MDM2: variants seen among roughly 807,000 people sequenced by gnomAD.
MDM2 encodes E3 ubiquitin-protein ligase Mdm2.
MDM2 carries 11 observed loss-of-function variants against 64.3 expected under a neutral mutation model. That is an observed-to-expected ratio of 0.17 (90% CI 0.11 to 0.28). MDM2 has a LOEUF of 0.28. MDM2 is among the 10% of genes least tolerant of loss of function. The pLI, the probability that MDM2 is intolerant of heterozygous loss-of-function variation, is 1.00. For synonymous variants in MDM2, 194 were observed against 192.9 expected (o/e 1.01, Z -0.05); for missense variants, 388 against 577.1 (o/e 0.67, Z 3.36).
At chr12:68,811,601 ATTTTT>A (rs34328350) in intron 2 of MDM2, among the ~76,000 whole-genome samples, 1 of 114,364 alleles carries the variant, frequency 8.7e-6, no homozygotes, top group Non-Finnish European at 1.7e-5. Flanking sequence ...TCCATTACAG[ATTTTT>A]TTTTTTTTTT....
intron 5 of MDM2, among the ~76,000 whole-genome samples, chr12:68,822,898 G>A (rs1273567383): frequency 5.3e-5 from 8 of 151,920 alleles, no homozygotes; most frequent in African/African-American, 1.5e-4. Flanking sequence ...CTGCCACCAC[G>A]TCCGGTTAAT....
intron 3 of MDM2, among the ~76,000 whole-genome samples, chr12:68,813,867 T>C (rs1881126445): frequency 6.6e-6 from 1 of 152,238 alleles, no homozygotes; most frequent in Non-Finnish European, 1.5e-5. Flanking sequence ...GACCATTTTA[T>C]GCTGTCAACC....
At chr12:68,809,842 A>G (rs1289257493) in intron 2 of MDM2, among the ~76,000 whole-genome samples, 1 of 152,214 alleles carries the variant, frequency 6.6e-6, no homozygotes, top group Non-Finnish European at 1.5e-5. Flanking sequence ...CAATAAATAA[A>G]GTCTACAGAA....
At chr12:68,810,324 G>GA (rs1880759630) in intron 2 of MDM2, among the ~76,000 whole-genome samples, 1 of 145,758 alleles carries the variant, frequency 6.9e-6, no homozygotes, top group Non-Finnish European at 1.5e-5. Context: ...AAAAAAAAAA[G>GA]AAAAGAAAAA....
intron 8 of MDM2, among the ~76,000 whole-genome samples, chr12:68,830,553 A>G (rs1353111978): frequency 6.6e-6 from 1 of 152,118 alleles, no homozygotes; most frequent in Non-Finnish European, 1.5e-5. Flanking sequence ...TCATTGGGAG[A>G]TAGATCATTA....
At chr12:68,809,419 G>A in intron 2 of MDM2, 127 bp downstream of exon 2, 1 of 843,066 alleles carries the variant, frequency 1.2e-6, no homozygotes, top group South Asian at 1.5e-5. Flanking sequence ...CTTAAAGTGT[G>A]CTACCTCTGG....
chr12:68,831,630 C>G (rs1383997507), intron 8 of MDM2, among the ~76,000 whole-genome samples: 1 of 152,172 alleles, frequency 6.6e-6, no homozygotes, highest in Non-Finnish European at 1.5e-5. Flanking sequence ...AGAAATTTTT[C>G]TGGAGCTACG....
At chr12:68,809,467 C>T (rs547239439) in intron 2 of MDM2, among the ~76,000 whole-genome samples, 175 bp downstream of exon 2, 1 of 152,268 alleles carries the variant, frequency 6.6e-6, no homozygotes, top group Non-Finnish European at 1.5e-5. Context: ...AAGAACTGGT[C>T]AGTATTTTTT....
At position 68,809,255 on chromosome 12, in the gene MDM2, C is replaced by T; in HGVS notation, c.62C>T (p.Thr21Ile). Residue 21 changes from threonine to isoleucine, a missense_variant, in exon 2 of 11, where the codon ACC (threonine) becomes ATC (isoleucine). Around this residue, in one of 5 missense-constraint regions of MDM2, gnomAD observed 46 missense variants for 45.2 expected, o/e 1.02. Transcript: ENST00000258149. Reference protein sequence around the residue: ...NMSVPTDGAVTTSQIPASEQE... With the variant: ...NMSVPTDGAVITSQIPASEQE... ...TCTGTACCTACTGATGGTGCTGTAA[C>T]CACCTCACAGATTCCAGCTTCGGAA... 6.2e-7 allele frequency: 1 copy of T among 1,614,090 alleles called. No individual in the cohort carries two copies. Among genetic ancestry groups the T allele is most frequent in the Non-Finnish European group, 8.5e-7 (1 of 1,179,990 alleles).
chr12:68,824,830 T>G lies in MDM2; in HGVS notation c.523+179T>G, dbSNP rs72550803. The G allele has an allele frequency of 5.2e-6, 3 of 577,944 alleles. No individual in the cohort carries two copies. In the East Asian group the frequency reaches 8.9e-5, roughly 17 times the overall value. The allele number at this position is 577,944 out of a possible 1,614,324, so 35.8% of individuals were successfully genotyped here. ...TACAAATTGCTTATTTAGCAATATT[T>G]TTCTGGCTGACTACAGCAGGCACAG... On this transcript the variant is annotated intron_variant, in intron 7 of 10. Transcript: ENST00000258149.
At position 68,842,261 on chromosome 12, in the gene MDM2, G is replaced by T; in HGVS notation, c.*2412G>T. On this transcript the variant is annotated 3_prime_UTR_variant, in exon 11 of 11. Coordinates refer to ENST00000258149, the MANE Select transcript of MDM2 (RefSeq NM_002392.6). Reference sequence around the variant, plus strand: ...AACAAATTCAAGAAAAAGGACTACGGAAAGTTCAGGACATCAAAGAAGTCA... The same window carrying T: ...AACAAATTCAAGAAAAAGGACTACGTAAAGTTCAGGACATCAAAGAAGTCA... The T allele has an allele frequency of 2.0e-6, 1 of 496,922 alleles. No individual in the cohort carries two copies. The highest frequency in any genetic ancestry group is 4.0e-6 in the Non-Finnish European group (1 of 251,456). The allele number at this position is 496,922 out of a possible 1,614,324, so 30.8% of individuals were successfully genotyped here. A position where few individuals can be genotyped will look rare whatever the true frequency, so the allele number is the denominator to read the frequency against.
At chr12:68,835,317 T>C (rs747170777) in intron 8 of MDM2, among the ~76,000 whole-genome samples, 11 of 152,142 alleles carry the variant, frequency 7.2e-5, no homozygotes, top group African/African-American at 1.7e-4. Flanking sequence ...GAAGGATGAA[T>C]AGGATTTTGA....
rs113126628 is a variant in MDM2 at position 68,832,866 on chromosome 12, C to CT, written c.685-2961dup. Among the ~76,000 whole-genome samples the CT allele has an allele frequency of 2.5e-3, 372 of 151,704 alleles. 1 individual carries two copies. Among genetic ancestry groups the CT allele is most frequent in the Middle Eastern group, 6.8e-3 (2 of 294 alleles). ...TTTAGGTCTGGTGCAGTGGCTCATG[C>CT]TTGTAATCCCAGCACTTTGGGAGGC... On this transcript the variant is annotated intron_variant, in intron 8 of 10. Coordinates refer to ENST00000258149, the MANE Select transcript of MDM2 (RefSeq NM_002392.6).
chr12:68,849,991 A>C (rs1485783531), downstream of MDM2: 1 of 152,356 alleles, frequency 6.6e-6, no homozygotes, highest in Non-Finnish European at 1.5e-5. Context: ...AACAGCAAAC[A>C]AAAAACCCTT....
At chr12:68,815,433 C>T (rs370118506) in intron 3 of MDM2, among the ~76,000 whole-genome samples, 18 of 93,068 alleles carry the variant, frequency 1.9e-4, no homozygotes, top group African/African-American at 2.6e-4. Flanking sequence ...GTTTCTTCTT[C>T]TTTTTTTTTT....
intron 3 of MDM2, among the ~76,000 whole-genome samples, chr12:68,814,287 C>G (rs1255984169): frequency 1.3e-5 from 2 of 152,194 alleles, no homozygotes; most frequent in Non-Finnish European, 2.9e-5. Flanking sequence ...CTCCTAGTCT[C>G]AGGTGATCCA....
intron 7 of MDM2, 28 bp from the exon 8 acceptor site, chr12:68,828,743 A>G (rs369948638): frequency 1.5e-4 from 246 of 1,609,270 alleles, no homozygotes; most frequent in Non-Finnish European, 2.1e-4. Flanking sequence ...ACAGTACAGC[A>G]ATTTATTTTT....
intron 8 of MDM2, among the ~76,000 whole-genome samples, chr12:68,830,750 G>T (rs1882727502): frequency 6.6e-6 from 1 of 152,014 alleles, no homozygotes; most frequent in African/African-American, 2.4e-5. Context: ...TCCCAGGCTG[G>T]AGTGCAGTGG....
chr12:68,849,504 A>G (rs1241768625), downstream of MDM2: 1 of 150,454 alleles, frequency 6.6e-6, no homozygotes, highest in Non-Finnish European at 1.5e-5. Flanking sequence ...CTGCCTCCCA[A>G]GGTCAAATGA....
Sources: allele counts gnomAD v4.1 joint callset (sites outside exome capture counted in the v4.1 genomes callset), GRCh38; gene constraint gnomAD v4.1.1; regional missense constraint gnomAD v4.1.1; transcripts MANE v1.5; gene names NCBI Gene and HGNC (gene_info 2026-07-23, HGNC 2026-07-21).